Variants in KIRREL3 observed in about 807,000 individuals in gnomAD.
The protein encoded by KIRREL3 is kirre like nephrin family adhesion molecule 3.
A neutral mutation model predicts 89.7 loss-of-function variants in KIRREL3; 36 were observed. The ratio of observed to expected loss-of-function variants is 0.40; its 90% CI spans 0.31 to 0.53. KIRREL3 has a LOEUF of 0.53. Among genes scored for constraint, KIRREL3 ranks in the 20% least tolerant of loss-of-function variants. The probability of loss-of-function intolerance (pLI) is 0.49; values close to 1 mark genes in which losing one functional copy is unlikely to be tolerated. For synonymous variants in KIRREL3, 445 were observed against 441.4 expected (o/e 1.01, Z -0.10); for missense variants, 864 against 1,056.6 (o/e 0.82, Z 2.53).
chr11:126,435,188 C>T, intron 13 of KIRREL3, 80 bp downstream of exon 13: 1 of 1,467,210 alleles, frequency 6.8e-7, no homozygotes, highest in Admixed American at 1.7e-5. Flanking sequence ...CCTCCCTACC[C>T]CCTGCTGGGT....
At position 126,495,918 on chromosome 11, in the gene KIRREL3, G is replaced by T. The variant is rs1957643699; in HGVS notation, c.434-22452C>A. On this transcript the variant is annotated intron_variant, in intron 4 of 16. Coordinates refer to ENST00000525144, the MANE Select transcript of KIRREL3 (RefSeq NM_032531.4). The surrounding 1 kb of genome is among the most constrained non-coding windows in gnomAD (Gnocchi z 6.5). ...CCCTTTCTCTCGTATCCTAATTGCTGTGGGCTCCACCTTTGAAACATGCAC... is the reference window on the plus strand; with the variant it reads ...CCCTTTCTCTCGTATCCTAATTGCTTTGGGCTCCACCTTTGAAACATGCAC... Among the ~76,000 whole-genome samples the T allele has an allele frequency of 1.3e-5, 2 of 152,206 alleles. No individual in the cohort carries two copies. The highest frequency in any genetic ancestry group is 4.8e-5 in the African/African-American group (2 of 41,460).
rs1400400370 is a variant in KIRREL3, at chr11:126,523,717, T to A, written c.284-2253A>T. Among the ~76,000 whole-genome samples, 1 of 152,194 alleles carries A rather than the reference T, an allele frequency of 6.6e-6. No homozygotes were observed. Among genetic ancestry groups the A allele is most frequent in the Non-Finnish European group, 1.5e-5 (1 of 68,036 alleles). ...GGTTCTAGCCCAATCCTCTCCCTGC[T>A]GCCGCTGCCTTCCTTGTAGCTGGCT... On this transcript the variant is annotated intron_variant, in intron 3 of 16. Transcript: ENST00000525144. The surrounding 1 kb of genome is among the most constrained non-coding windows in gnomAD (Gnocchi z 4.9).
chr11:126,881,574 G>A lies in KIRREL3; in HGVS notation c.55+118881C>T, dbSNP rs141808269. Among the ~76,000 whole-genome samples the A allele has an allele frequency of 1.6e-4, 24 of 152,262 alleles. No homozygotes were observed. In the East Asian group the frequency reaches 4.4e-3, roughly 28 times the overall value. Reference sequence around the variant, plus strand: ...TCATTTTAATATTTTTTGAGACAGAGTCTCACTCTGTCACCCAAGCTGGAG... The same window carrying A: ...TCATTTTAATATTTTTTGAGACAGAATCTCACTCTGTCACCCAAGCTGGAG... On this transcript the variant is annotated intron_variant, in intron 1 of 16. Coordinates refer to ENST00000525144, the MANE Select transcript of KIRREL3 (RefSeq NM_032531.4).
In KIRREL3 at chr11:126,641,644, G is replaced by T. The variant is rs1254441445; in HGVS notation, c.56-78732C>A. Reference sequence around the variant, plus strand: ...CTTATGGGGATAGTGGCTGCATCATGTCCCACTGCACCCTTGCAGCTGACT... The same window carrying T: ...CTTATGGGGATAGTGGCTGCATCATTTCCCACTGCACCCTTGCAGCTGACT... On this transcript the variant is annotated intron_variant, in intron 1 of 16. Transcript: ENST00000525144. The surrounding 1 kb of genome is among the most constrained non-coding windows in gnomAD (Gnocchi z 5.0). Among the ~76,000 whole-genome samples the T allele has an allele frequency of 6.6e-6, 1 of 152,036 alleles. No individual in the cohort carries two copies. The highest frequency in any genetic ancestry group is 1.5e-5 in the Non-Finnish European group (1 of 68,004).
chr11:126,915,307 A>G (rs188962817), intron 1 of KIRREL3, among the ~76,000 whole-genome samples: 32 of 152,222 alleles, frequency 2.1e-4, no homozygotes, highest in Admixed American at 1.7e-3. Context: ...CCCCACTCCC[A>G]GCATATTTTT....
chr11:126,787,631 G>A (rs1003810563), intron 1 of KIRREL3, among the ~76,000 whole-genome samples: 1 of 152,174 alleles, frequency 6.6e-6, no homozygotes, highest in African/African-American at 2.4e-5. Flanking sequence ...TGGTTAGATG[G>A]AAGGGATGGT....
At chr11:126,626,332 G>A (rs1370966418) in intron 1 of KIRREL3, among the ~76,000 whole-genome samples, 1 of 152,218 alleles carries the variant, frequency 6.6e-6, no homozygotes, top group Admixed American at 6.5e-5. Context: ...GGGAAACAGA[G>A]TCTGACATTC....
rs923248592 is a variant in KIRREL3, at chr11:126,909,839, T to C, written c.55+90616A>G. Reference sequence around the variant, plus strand: ...TGGATTAATCCCTGGGAGGGTGTTATGCAAGATTCAGATATATGGTCTGTG... The same window carrying C: ...TGGATTAATCCCTGGGAGGGTGTTACGCAAGATTCAGATATATGGTCTGTG... On this transcript the variant is annotated intron_variant, in intron 1 of 16. Coordinates refer to ENST00000525144, the MANE Select transcript of KIRREL3 (RefSeq NM_032531.4). The surrounding 1 kb of genome is among the most constrained non-coding windows in gnomAD (Gnocchi z 4.5). 6.6e-6 allele frequency among the ~76,000 whole-genome samples: 1 copy of C among 152,198 alleles called. No homozygotes were observed. The highest frequency in any genetic ancestry group is 1.5e-5 in the Non-Finnish European group (1 of 68,040).
At position 126,486,532 on chromosome 11, in the gene KIRREL3, G is replaced by A. The variant is rs986544392; in HGVS notation, c.434-13066C>T. On this transcript the variant is annotated intron_variant, in intron 4 of 16. Coordinates refer to ENST00000525144, the MANE Select transcript of KIRREL3 (RefSeq NM_032531.4). The surrounding 1 kb of genome is among the most constrained non-coding windows in gnomAD (Gnocchi z 6.2). ...CAGCCGCTCACAAAGCTCTCCAGCT[G>A]GTTTCGACCTTAACCTGATTTGGGG... 1.4e-4 allele frequency among the ~76,000 whole-genome samples: 21 copies of A among 152,260 alleles called. No individual in the cohort carries two copies. The highest frequency in any genetic ancestry group is 3.2e-3 in the Middle Eastern group (1 of 316).
In KIRREL3 at chr11:126,949,236, G is replaced by A. The variant is rs111845758; in HGVS notation, c.55+51219C>T. ...ACTAGAAGTGCTGTACAGAAGCAGC[G>A]CATGAGATCATTGTGGTTGGGTGAT... On this transcript the variant is annotated intron_variant, in intron 1 of 16. Transcript: ENST00000525144. 1.4e-3 allele frequency among the ~76,000 whole-genome samples: 208 copies of A among 152,250 alleles called. 2 individuals are homozygous for A. Among genetic ancestry groups the A allele is most frequent in the African/African-American group, 4.5e-3 (188 of 41,544 alleles).
rs180741176 is a variant in KIRREL3 at position 126,769,162 on chromosome 11, G to T, written c.56-206250C>A. ...CCCTCTTCCCACAGGTCCCATCTCT[G>T]CCAGTCACTGCTTTCCCTTCCTCCT... On this transcript the variant is annotated intron_variant, in intron 1 of 16. Coordinates refer to ENST00000525144, the MANE Select transcript of KIRREL3 (RefSeq NM_032531.4). This position sits in a 1 kb window ranked among gnomAD's most constrained non-coding sequence, Gnocchi z 4.3. Among the ~76,000 whole-genome samples the T allele has an allele frequency of 2.0e-5, 3 of 152,206 alleles. No homozygotes were observed. In the East Asian group the frequency reaches 5.8e-4, roughly 29 times the overall value.
intron 1 of KIRREL3, among the ~76,000 whole-genome samples, chr11:126,855,739 G>A (rs1234544854): frequency 6.6e-6 from 1 of 152,208 alleles, no homozygotes; most frequent in Admixed American, 6.5e-5. Context: ...TTCCCTGGCT[G>A]TGAGTTTGGG....
chr11:126,849,713 C>T (rs146133063), intron 1 of KIRREL3, among the ~76,000 whole-genome samples: 40 of 152,236 alleles, frequency 2.6e-4, no homozygotes, highest in Non-Finnish European at 5.9e-4. Flanking sequence ...CATGATGGGG[C>T]ACTACAGAGA....
intron 13 of KIRREL3, among the ~76,000 whole-genome samples, chr11:126,434,488 G>A (rs969232825): frequency 1.3e-5 from 2 of 152,366 alleles, no homozygotes; most frequent in African/African-American, 4.8e-5. Context: ...TGCCAGGAGG[G>A]GCAGAGGCAG....
In KIRREL3 at chr11:126,614,445, C is replaced by T. The variant is rs564560121; in HGVS notation, c.56-51533G>A. 9.9e-5 allele frequency among the ~76,000 whole-genome samples: 15 copies of T among 152,278 alleles called. No homozygotes were observed. Among genetic ancestry groups the T allele is most frequent in the South Asian group, 2.1e-4 (1 of 4,820 alleles). On this transcript the variant is annotated intron_variant, in intron 1 of 16. Coordinates refer to ENST00000525144, the MANE Select transcript of KIRREL3 (RefSeq NM_032531.4). The surrounding 1 kb of genome is among the most constrained non-coding windows in gnomAD (Gnocchi z 4.6). ...GATGGATGGGTTTTAATCTTAGCTG[C>T]GTATTAGAATGCCCTGGAGAGCTTT...
In KIRREL3 at chr11:126,424,875, G is replaced by T; in HGVS notation, c.2042C>A (p.Thr681Asn). ...TGMSFTNIYS[T>N]LSGQGRLYDY... is the part of the protein sequence containing the mutation. ...GTAGAGGCGGCCCTGGCCGCTCAGGGTGCTGTAGATGTTGGTGAAGGACAT... is the reference window on the plus strand; with the variant it reads ...GTAGAGGCGGCCCTGGCCGCTCAGGTTGCTGTAGATGTTGGTGAAGGACAT... Residue 681 changes from threonine to asparagine, a missense_variant, in exon 17 of 17, where the codon ACC becomes AAC. Coordinates refer to ENST00000525144, the MANE Select transcript of KIRREL3 (RefSeq NM_032531.4). 6 of 1,613,326 alleles carry T rather than the reference G, an allele frequency of 3.7e-6. No individual in the cohort carries two copies. Among genetic ancestry groups the T allele is most frequent in the Non-Finnish European group, 5.1e-6 (6 of 1,179,306 alleles).
In KIRREL3 at chr11:126,995,255, G is replaced by A. The variant is rs1015025919; in HGVS notation, c.55+5200C>T. ...GTCCGCTGGCCTCGAGGCAAGACAA[G>A]AGCTCCAATCACTCTGCTGCAAGCG... is the stretch of plus-strand genomic sequence containing the variant. On this transcript the variant is annotated intron_variant, in intron 1 of 16. Transcript: ENST00000525144. The surrounding 1 kb of genome is among the most constrained non-coding windows in gnomAD (Gnocchi z 6.5). The A allele has an allele frequency of 4.4e-6, 2 of 456,176 alleles. No homozygotes were observed. Among genetic ancestry groups the A allele is most frequent in the Non-Finnish European group, 8.8e-6 (2 of 226,960 alleles). The allele number at this position is 456,176 out of a possible 1,614,324, so 28.3% of individuals were successfully genotyped here.
Position 126,685,200 on chromosome 11 carries a change from C to G in KIRREL3, c.56-122288G>C, listed in dbSNP as rs1161739415. 6.6e-6 allele frequency among the ~76,000 whole-genome samples: 1 copy of G among 152,196 alleles called. No homozygotes were observed. Among genetic ancestry groups the G allele is most frequent in the East Asian group, 1.9e-4 (1 of 5,194 alleles). ...AGGTGTGCTCAAGATGTGCTGAGAG[C>G]AGAGGATAGCCCCAGCTCTGCTCTG... is the stretch of plus-strand genomic sequence containing the variant. On this transcript the variant is annotated intron_variant, in intron 1 of 16. Coordinates refer to ENST00000525144, the MANE Select transcript of KIRREL3 (RefSeq NM_032531.4). This position sits in a 1 kb window ranked among gnomAD's most constrained non-coding sequence, Gnocchi z 5.5.
intron 1 of KIRREL3, among the ~76,000 whole-genome samples, chr11:126,701,462 C>G (rs1221621041): frequency 1.3e-5 from 2 of 152,110 alleles, no homozygotes; most frequent in African/African-American, 4.8e-5. Flanking sequence ...TGCTCCGAAT[C>G]AATAGCTCTT....
Sources: gnomAD v4.1 joint callset for allele counts (sites outside exome capture counted in the v4.1 genomes callset) on GRCh38, gnomAD v4.1.1 for gene constraint, Gnocchi (gnomAD v3.1) non-coding constraint, MANE v1.5 for transcripts, NCBI Gene and HGNC (gene_info 2026-07-23, HGNC 2026-07-21) for gene names.